AFF3: variants seen among roughly 807,000 people sequenced by gnomAD.
The protein encoded by AFF3 is ALF transcription elongation factor 3, also known as AF4/FMR2 family member 3.
In AFF3, 32 loss-of-function variants were observed where a neutral mutation model predicts 129.7. The observed-to-expected ratio is 0.25, with a 90% CI of 0.19 to 0.33. The LOEUF (loss-of-function observed/expected upper bound fraction) is 0.33. Among genes scored for constraint, AFF3 ranks in the 10% least tolerant of loss-of-function variants. The pLI is 1.00. For synonymous variants in AFF3, 644 were observed against 635.4 expected, an observed-to-expected ratio of 1.01 and a Z score of -0.20; for missense variants, 1,373 against 1,592.0, an observed-to-expected ratio of 0.86 and a Z score of 2.34.
At chr2:99,752,760 C>G (rs548515846) in intron 8 of AFF3, among the ~76,000 whole-genome samples, 1 of 152,258 alleles carries the variant, frequency 6.6e-6, no homozygotes, top group South Asian at 2.1e-4. Flanking sequence ...CTCAATAAGG[C>G]CCACACATCA....
intron 4 of AFF3, among the ~76,000 whole-genome samples, chr2:100,017,329 C>T (rs958500422): frequency 3.3e-5 from 5 of 152,150 alleles, no homozygotes; most frequent in Non-Finnish European, 4.4e-5. Context: ...CTACCATGGA[C>T]TCCTCAAAAA....
chr2:100,057,876 G>A (rs1438331707), intron 4 of AFF3, among the ~76,000 whole-genome samples: 2 of 152,196 alleles, frequency 1.3e-5, no homozygotes, highest in Non-Finnish European at 2.9e-5. Context: ...CTCAGCAACT[G>A]TCTTTCCTGG....
intron 7 of AFF3, among the ~76,000 whole-genome samples, chr2:100,004,823 G>A (rs997239474): frequency 6.6e-6 from 1 of 151,462 alleles, no homozygotes; most frequent in Admixed American, 6.6e-5. Flanking sequence ...AATATGCAGT[G>A]CTTTTAACTA....
intron 7 of AFF3, among the ~76,000 whole-genome samples, chr2:99,866,588 C>T (rs1393028218): frequency 6.6e-6 from 1 of 151,994 alleles, no homozygotes; most frequent in Non-Finnish European, 1.5e-5. Context: ...TCACCAGCCT[C>T]CACAAGAAAG....
intron 13 of AFF3, among the ~76,000 whole-genome samples, chr2:99,639,107 G>A (rs1683946807): frequency 6.6e-6 from 1 of 152,144 alleles, no homozygotes. Context: ...GGCAATTAGT[G>A]GCTTTATACA....
intron 24 of AFF3, among the ~76,000 whole-genome samples, chr2:99,553,918 CAA>C (rs61326965): frequency 1.0e-3 from 59 of 56,976 alleles, no homozygotes; most frequent in African/African-American, 4.0e-3. Flanking sequence ...TGTCTCAAAC[CAA>C]AAAAAAAAAA....
chr2:99,639,286 T>G (rs796921884), intron 13 of AFF3, among the ~76,000 whole-genome samples: 13 of 152,304 alleles, frequency 8.5e-5, no homozygotes, highest in African/African-American at 2.9e-4. Flanking sequence ...TAGGGGGGCT[T>G]TTAAAAGCTG....
chr2:99,814,407 A>T (rs1357816556), intron 8 of AFF3, among the ~76,000 whole-genome samples: 2 of 152,160 alleles, frequency 1.3e-5, no homozygotes, highest in Non-Finnish European at 2.9e-5. Flanking sequence ...CAGAGAGACA[A>T]AATATACTAC....
At chr2:99,888,410 C>CT (rs1237885139) in intron 7 of AFF3, among the ~76,000 whole-genome samples, 6 of 152,240 alleles carry the variant, frequency 3.9e-5, no homozygotes, top group Non-Finnish European at 8.8e-5. Context: ...TTCTGCACCA[C>CT]TAGAAACTAC....
chr2:100,070,183 T>C (rs1688058436), intron 4 of AFF3, among the ~76,000 whole-genome samples: 1 of 149,028 alleles, frequency 6.7e-6, no homozygotes, highest in Admixed American at 6.7e-5. Flanking sequence ...TTGCAAGTTA[T>C]TAGACTGTTT....
chr2:100,064,502 C>G (rs1404966454), intron 4 of AFF3, among the ~76,000 whole-genome samples: 1 of 152,176 alleles, frequency 6.6e-6, no homozygotes, highest in Non-Finnish European at 1.5e-5. Flanking sequence ...ATCTGAATTG[C>G]TACTAAATTA....
intron 7 of AFF3, among the ~76,000 whole-genome samples, chr2:99,875,078 A>G (rs914874145): frequency 3.9e-5 from 6 of 152,234 alleles, no homozygotes; most frequent in African/African-American, 1.4e-4. Context: ...AAAAAAGGAC[A>G]AGACATTCTT....
In AFF3 at chr2:99,593,384, G is replaced by A. The variant is rs765179477; in HGVS notation, c.2277C>T (p.Asp759=). ...GRNELLSPLK[D]SDEIRSLWVK... is the part of the protein sequence containing the mutation. Reference sequence around the variant, plus strand: ...CCCAGAGAGACCTGATCTCATCACTGTCCTTTAGAGGGGAGAGAAGTTCGT... The same window carrying A: ...CCCAGAGAGACCTGATCTCATCACTATCCTTTAGAGGGGAGAGAAGTTCGT... The change falls in exon 15 of 25, where the codon GAC becomes GAT. Residue 759 remains aspartate, a synonymous_variant. Transcript: ENST00000672756. 1.2e-5 allele frequency: 20 copies of A among 1,614,046 alleles called. No homozygotes were observed. Among genetic ancestry groups the A allele is most frequent in the Non-Finnish European group, 1.6e-5 (19 of 1,179,998 alleles).
intron 18 of AFF3, among the ~76,000 whole-genome samples, chr2:99,573,296 C>T (rs953984357): frequency 6.6e-6 from 1 of 152,202 alleles, no homozygotes. Context: ...TACTCTCTCA[C>T]TCTGTTTTGG....
intron 11 of AFF3, among the ~76,000 whole-genome samples, chr2:99,711,638 T>C (rs907936860): frequency 6.6e-6 from 1 of 152,186 alleles, no homozygotes; most frequent in Admixed American, 6.5e-5. Context: ...ATCCAGCTGA[T>C]GGTATTTCTG....
At chr2:100,083,525 G>A (rs979967182) in intron 4 of AFF3, among the ~76,000 whole-genome samples, 13 of 152,218 alleles carry the variant, frequency 8.5e-5, no homozygotes, top group South Asian at 2.1e-4. Flanking sequence ...CGTGCCCACC[G>A]TTTCCTTTGC....
intron 8 of AFF3, among the ~76,000 whole-genome samples, chr2:99,789,169 C>T (rs1685017742): frequency 6.6e-6 from 1 of 152,072 alleles, no homozygotes; most frequent in Non-Finnish European, 1.5e-5. Flanking sequence ...AGGTGCGGTG[C>T]CATGCCTGTA....
chr2:99,989,044 C>A (rs73964396), intron 7 of AFF3, among the ~76,000 whole-genome samples: 11,377 of 152,116 alleles, frequency 0.075, 1,172 homozygotes, highest in African/African-American at 0.23. Context: ...ATGATGGGAG[C>A]AAACCAAAGA....
chr2:100,062,789 A>G (rs970664065), intron 4 of AFF3, among the ~76,000 whole-genome samples: 3 of 152,252 alleles, frequency 2.0e-5, no homozygotes, highest in Non-Finnish European at 2.9e-5. Flanking sequence ...TTTACTAAAC[A>G]GACAGGGAAA....
Sources: allele counts gnomAD v4.1 joint callset (sites outside exome capture counted in the v4.1 genomes callset), GRCh38; gene constraint gnomAD v4.1.1; transcripts MANE v1.5; gene names NCBI Gene and HGNC (gene_info 2026-07-23, HGNC 2026-07-21).